LRP2: variants seen among roughly 807,000 people sequenced by gnomAD.
The protein encoded by LRP2 is LDL receptor related protein 2.
Under a neutral mutation model 531.0 loss-of-function variants are expected in LRP2, and 172 were observed. The observed-to-expected ratio is 0.32, with a 90% CI of 0.29 to 0.37. LRP2 has a LOEUF of 0.37. Ranked by LOEUF, LRP2 falls within the 10% of genes least tolerant of loss-of-function variation. The probability of loss-of-function intolerance (pLI) is 1.00; values close to 1 mark genes in which losing one functional copy is unlikely to be tolerated. For missense variants in LRP2, 5,167 were observed against 5,868.3 expected (o/e 0.88, Z 3.90); for synonymous variants, 1,992 against 2,027.6 (o/e 0.98, Z 0.47).
At chr2:169,207,379 T>C (rs1688435027) in intron 38 of LRP2, 129 bp from the exon 39 acceptor site, 2 of 709,110 alleles carry the variant, frequency 2.8e-6, no homozygotes, top group Non-Finnish European at 5.0e-6. Context: ...TTTTCCAAGA[T>C]GATAGTGTCC....
At chr2:169,243,970 A>C (rs1689910528) in intron 22 of LRP2, among the ~76,000 whole-genome samples, 1 of 152,208 alleles carries the variant, frequency 6.6e-6, no homozygotes, top group Non-Finnish European at 1.5e-5. Context: ...CAATTCTAAA[A>C]ACCAGGGTCC....
At position 169,279,785 on chromosome 2, in the gene LRP2, T is replaced by A. The variant is rs139945626; in HGVS notation, c.1342-190A>T. 4.8e-3 allele frequency among the ~76,000 whole-genome samples: 735 copies of A among 152,218 alleles called. 1 individual carries two copies. Among genetic ancestry groups the A allele is most frequent in the African/African-American group, 0.017 (700 of 41,538 alleles). On this transcript the variant is annotated intron_variant, in intron 11 of 78. Coordinates refer to ENST00000649046, the MANE Select transcript of LRP2 (RefSeq NM_004525.3). ...TGGTATAATAAAATGTAAGAAGAAATAAATAAAATTCCATAACTCTTTAAG... is the reference window on the plus strand; with the variant it reads ...TGGTATAATAAAATGTAAGAAGAAAAAAATAAAATTCCATAACTCTTTAAG...
intron 3 of LRP2, among the ~76,000 whole-genome samples, chr2:169,313,225 T>A (rs1188805111): frequency 2.0e-5 from 3 of 152,206 alleles, no homozygotes; most frequent in African/African-American, 7.2e-5. Flanking sequence ...AAAGTCACTC[T>A]CCATCCAGCT....
At chr2:169,271,213 T>G in intron 15 of LRP2, 106 bp from the exon 16 acceptor site, 1 of 714,458 alleles carries the variant, frequency 1.4e-6, no homozygotes, top group Non-Finnish European at 2.4e-6. Flanking sequence ...TTATAAAATA[T>G]AATTCTGAAA....
In LRP2 at chr2:169,128,585, G is replaced by GTA; in HGVS notation, c.*77_*78insTA. 7.0e-7 allele frequency: 1 copy of GTA among 1,421,652 alleles called. No individual in the cohort carries two copies. Among genetic ancestry groups the GTA allele is most frequent in the Non-Finnish European group, 9.9e-7 (1 of 1,007,026 alleles). The allele number at this position is 1,421,652 out of a possible 1,614,324, so 88.1% of individuals were successfully genotyped here. A position where few individuals can be genotyped will look rare whatever the true frequency, so the allele number is the denominator to read the frequency against. On this transcript the variant is annotated 3_prime_UTR_variant, in exon 79 of 79. Transcript: ENST00000649046. ...ATATTTTTTTCATAAAGTACTGAAT[G>GTA]TTAACTTTTTTCATCTGTTTGTAAA...
At chr2:169,355,825 C>A (rs748546943) in intron 1 of LRP2, among the ~76,000 whole-genome samples, 13 of 152,174 alleles carry the variant, frequency 8.5e-5, no homozygotes, top group African/African-American at 2.4e-5. Flanking sequence ...CAATATTTGA[C>A]TATTTCTGCA....
intron 46 of LRP2, 117 bp downstream of exon 46, chr2:169,196,794 G>C (rs1688018732): frequency 3.5e-6 from 5 of 1,408,894 alleles, no homozygotes; most frequent in Non-Finnish European, 4.0e-6. Context: ...ATGAAAGCTG[G>C]GACAGGAAGT....
chr2:169,142,071 T>A (rs1574066774), intron 71 of LRP2, among the ~76,000 whole-genome samples: 1 of 152,236 alleles, frequency 6.6e-6, no homozygotes, highest in African/African-American at 2.4e-5. Flanking sequence ...GACGACTTTT[T>A]CACAGGCTTT....
chr2:169,211,843 T>C, intron 37 of LRP2, 125 bp downstream of exon 37: 2 of 1,329,332 alleles, frequency 1.5e-6, no homozygotes, highest in Non-Finnish European at 1.1e-6. Flanking sequence ...TGCCAGTTGA[T>C]TTAAAGGGAA....
Position 169,270,815 on chromosome 2 carries a change from T to C in LRP2, c.2320+89A>G, listed in dbSNP as rs890122699. 7.4e-6 allele frequency: 5 copies of C among 678,724 alleles called. No individual in the cohort carries two copies. In the African/African-American group the frequency reaches 9.2e-5, roughly 12 times the overall value. 42.0% of individuals were successfully genotyped at this position (678,724 alleles called of 1,614,324 possible). ...ATAAGACTGCTTAAAAATTAGATAC[T>C]GAGTTTTAATTATCAAGTTGTAAGT... On this transcript the variant is annotated intron_variant, in intron 16 of 78. Transcript: ENST00000649046.
intron 1 of LRP2, among the ~76,000 whole-genome samples, chr2:169,351,559 G>A (rs1685847689): frequency 6.6e-6 from 1 of 152,176 alleles, no homozygotes; most frequent in Non-Finnish European, 1.5e-5. Flanking sequence ...AGTTATAGAA[G>A]TTTATGGAAT....
Position 169,129,033 on chromosome 2 carries a change from C to A in LRP2, c.13780G>T (p.Glu4594Ter). ...ATTACCTGTGCATAGATTGGATTTT[C>A]AAAGTTGGTAGTTTGTTTAGATTTT... is the stretch of plus-strand genomic sequence containing the variant. ...KRKSKQTTNF[E>*]NPIYAQMENE... The change falls in exon 78 of 79, where the codon GAA (glutamate) becomes TAA (stop). Residue 4594 changes from glutamate to a stop codon, truncating the protein, a stop_gained. Transcript: ENST00000649046. LOFTEE classifies it low-confidence loss of function (END_TRUNC). 1 of 1,612,306 alleles carries A rather than the reference C, an allele frequency of 6.2e-7. No homozygotes were observed. Among genetic ancestry groups the A allele is most frequent in the Non-Finnish European group, 8.5e-7 (1 of 1,178,390 alleles).
intron 51 of LRP2, 118 bp downstream of exon 51, chr2:169,182,049 G>T: frequency 7.6e-7 from 1 of 1,316,482 alleles, no homozygotes; most frequent in Non-Finnish European, 1.1e-6. Flanking sequence ...AGTAGGAAAA[G>T]CAGAAGACAA....
chr2:169,232,313 C>G (rs1689436969), intron 30 of LRP2, among the ~76,000 whole-genome samples: 1 of 151,860 alleles, frequency 6.6e-6, no homozygotes, highest in African/African-American at 2.4e-5. Context: ...CTGATGATAT[C>G]TCTGTGTGTC....
Position 169,328,920 on chromosome 2 carries a change from A to G in LRP2, c.80-8036T>C, listed in dbSNP as rs181981332. Among the ~76,000 whole-genome samples the G allele has an allele frequency of 1.3e-4, 20 of 152,320 alleles. No individual in the cohort carries two copies. The East Asian group carries it at 3.9e-3, about 29-fold the overall frequency. ...CCCATGCATTACCTTACATATCCTC[A>G]CAACAGCTTTGTGAGATGGTATCAA... is the stretch of plus-strand genomic sequence containing the variant. On this transcript the variant is annotated intron_variant, in intron 1 of 78. Transcript: ENST00000649046.
At chr2:169,257,287 G>A (rs376543657) in intron 17 of LRP2, 38 bp from the exon 18 acceptor site, 75 of 1,604,578 alleles carry the variant, frequency 4.7e-5, no homozygotes, top group Non-Finnish European at 6.1e-5. Flanking sequence ...TGTTAACACT[G>A]GGACAAACTA....
intron 16 of LRP2, among the ~76,000 whole-genome samples, chr2:169,267,020 G>C (rs1050969637): frequency 6.6e-6 from 1 of 151,244 alleles, no homozygotes; most frequent in Admixed American, 6.6e-5. Context: ...CCCAAGTAGT[G>C]GGGACTACAG....
Position 169,271,105 on chromosome 2 carries a change from C to T in LRP2, c.2119G>A (p.Val707Ile), listed in dbSNP as rs1400937931. ...GATGAAAAAATGAGGAAATTCTGAACAGCTGTAGGAAGAATAACACAGCAC... is the reference window on the plus strand; with the variant it reads ...GATGAAAAAATGAGGAAATTCTGAATAGCTGTAGGAAGAATAACACAGCAC... Reference protein sequence around the residue: ...LDTDERHCIAVQNFLIFSSQV... With the variant: ...LDTDERHCIAIQNFLIFSSQV... The change falls in exon 16 of 79, where the codon GTT (valine) becomes ATT (isoleucine). Residue 707 changes from valine (V) to isoleucine (I), a missense_variant and splice_region_variant. Physicochemically the swap from Val to Ile is conservative, Grantham distance 29. This residue lies in a region of LRP2 where 2,811 missense variants were observed against 3,058.0 expected (regional missense o/e 0.92). Transcript: ENST00000649046. 6.2e-7 allele frequency: 1 copy of T among 1,611,066 alleles called. No individual in the cohort carries two copies. Among genetic ancestry groups the T allele is most frequent in the South Asian group, 1.1e-5 (1 of 90,920 alleles).
intron 9 of LRP2, among the ~76,000 whole-genome samples, chr2:169,285,601 A>T (rs1221762067): frequency 1.3e-5 from 2 of 152,016 alleles, no homozygotes; most frequent in Non-Finnish European, 2.9e-5. Flanking sequence ...ATGACTCAAA[A>T]ACCCCTTTTT....
Sources: gnomAD v4.1 joint callset for allele counts (sites outside exome capture counted in the v4.1 genomes callset) on GRCh38, gnomAD v4.1.1 for gene constraint, gnomAD v4.1.1 regional missense constraint, MANE v1.5 for transcripts, NCBI Gene and HGNC (gene_info 2026-07-23, HGNC 2026-07-21) for gene names.